Variants in SYP observed in about 807,000 individuals in gnomAD.
SYP encodes the protein major synaptic vesicle protein P38.
A neutral mutation model predicts 24.3 loss-of-function variants in SYP; 2 were observed. That is an observed-to-expected ratio of 0.08 (90% CI 0.03 to 0.26). SYP has a LOEUF of 0.26. Among genes scored for constraint, SYP ranks in the 10% least tolerant of loss-of-function variants. The probability of loss-of-function intolerance (pLI) is 1.00; values close to 1 mark genes in which losing one functional copy is unlikely to be tolerated. For synonymous variants in SYP, 143 were observed against 123.2 expected, an observed-to-expected ratio of 1.16 and a Z score of -1.07; for missense variants, 216 against 266.3, an observed-to-expected ratio of 0.81 and a Z score of 1.32.
At chrX:49,198,883 C>T (rs1356559036) in intron 2 of SYP, 85 bp downstream of exon 2, 11 of 1,063,344 alleles carry the variant, frequency 1.0e-5, no homozygotes, top group Non-Finnish European at 1.4e-5. Flanking sequence ...CCTGGCTACT[C>T]GCCCCTACTC....
chrX:49,198,335 C>G (rs1557103560), intron 2 of SYP: 1 of 131,886 alleles, frequency 7.6e-6, no homozygotes, highest in Non-Finnish European at 1.5e-5. Flanking sequence ...TCTGTCCTGT[C>G]TCTCACTCGG....
At chrX:49,198,023 T>G in intron 2 of SYP, 184 bp from the exon 3 acceptor site, 1 of 512,589 alleles carries the variant, frequency 2.0e-6, no homozygotes, top group Non-Finnish European at 3.3e-6. Context: ...TGGCTGTCTC[T>G]TCCTGTTTCT....
At chrX:49,189,701 G>A (rs782493531) in intron 6 of SYP, among the ~76,000 whole-genome samples, 20 of 111,012 alleles carry the variant, frequency 1.8e-4, no homozygotes, top group East Asian at 1.1e-3. Flanking sequence ...GGGCATGGTC[G>A]CTCACACTTA....
chrX:49,195,142 G>C, intron 3 of SYP, among the ~76,000 whole-genome samples: 1 of 109,774 alleles, frequency 9.1e-6, no homozygotes, highest in East Asian at 2.8e-4. Flanking sequence ...CACTTTTCTC[G>C]ATAGTAGTGG....
At chrX:49,198,798 G>GT (rs1387178140) in intron 2 of SYP, 170 bp downstream of exon 2, 2 of 548,858 alleles carry the variant, frequency 3.6e-6, no homozygotes, top group East Asian at 3.7e-5. Flanking sequence ...CAGCTCATCT[G>GT]TTTTCTGGCT....
chrX:49,192,827 T>C (rs893381300), intron 5 of SYP, among the ~76,000 whole-genome samples: 2 of 112,375 alleles, frequency 1.8e-5, no homozygotes, highest in African/African-American at 6.5e-5. Context: ...TCTTCGATTA[T>C]GCATGCTCAA....
intron 3 of SYP, 92 bp from the exon 4 acceptor site, chrX:49,194,453 C>T (rs1557103180): frequency 3.4e-6 from 3 of 894,295 alleles, no homozygotes; most frequent in Non-Finnish European, 4.8e-6. Flanking sequence ...CTGACAAGGC[C>T]CCAGGAAGAG....
chrX:49,199,677 C>T (rs2065543267), intron 1 of SYP, among the ~76,000 whole-genome samples: 1 of 105,693 alleles, frequency 9.5e-6, no homozygotes, highest in Admixed American at 9.9e-5. Context: ...CCGGATTGTC[C>T]CCTAGGTGTG....
intron 5 of SYP, among the ~76,000 whole-genome samples, chrX:49,192,761 C>T (rs782086940): frequency 3.4e-4 from 38 of 111,807 alleles, no homozygotes; most frequent in Admixed American, 9.5e-4. Context: ...CTTTTCTGAG[C>T]ACTCCGTATT....
intron 2 of SYP, 62 bp downstream of exon 2, chrX:49,198,906 T>C (rs1557103627): frequency 1.7e-6 from 2 of 1,167,579 alleles, no homozygotes; most frequent in Admixed American, 2.3e-5. Context: ...CCCCTGCTCT[T>C]CTGGACCCCA....
chrX:49,193,948 C>T (rs782492711), intron 4 of SYP, among the ~76,000 whole-genome samples: 1 of 110,888 alleles, frequency 9.0e-6, no homozygotes, highest in East Asian at 2.8e-4. Flanking sequence ...GTGGGCCTGT[C>T]TGGGATTCTG....
At chrX:49,191,004 A>C in intron 6 of SYP, 1 of 173,614 alleles carries the variant, frequency 5.8e-6, no homozygotes, top group Non-Finnish European at 1.1e-5. Flanking sequence ...ACGCCCATTT[A>C]CCCTCACCAT....
chrX:49,191,268 T>C (rs1408633064), intron 6 of SYP, 165 bp downstream of exon 6: 3 of 549,946 alleles, frequency 5.5e-6, no homozygotes, highest in African/African-American at 4.6e-5. Flanking sequence ...GTTTTTCAGC[T>C]CTTAGCAGGT....
intron 3 of SYP, 86 bp downstream of exon 3, chrX:49,197,629 G>A: frequency 8.7e-7 from 1 of 1,145,384 alleles, no homozygotes; most frequent in Non-Finnish European, 1.2e-6. Flanking sequence ...AGCTGGGCAG[G>A]AGCTACTTGC....
At chrX:49,190,280 A>G (rs1441309291) in intron 6 of SYP, among the ~76,000 whole-genome samples, 1 of 108,375 alleles carries the variant, frequency 9.2e-6, no homozygotes, top group Admixed American at 9.9e-5. Context: ...CCCAGATTCA[A>G]GCGATTCTCC....
At chrX:49,197,558 G>C in intron 3 of SYP, 157 bp downstream of exon 3, 1 of 787,442 alleles carries the variant, frequency 1.3e-6, no homozygotes. Flanking sequence ...CTAGAGTCCA[G>C]AGCAGTGCCA....
intron 3 of SYP, 103 bp from the exon 4 acceptor site, chrX:49,194,464 G>T: frequency 2.5e-6 from 2 of 813,371 alleles, no homozygotes; most frequent in East Asian, 3.3e-5. Context: ...CCAGGAAGAG[G>T]AGGAAATAAC....
intron 3 of SYP, 118 bp from the exon 4 acceptor site, chrX:49,194,479 C>A (rs1365844771): frequency 1.5e-6 from 1 of 661,092 alleles, no homozygotes; most frequent in African/African-American, 2.2e-5. Context: ...AATAACCATT[C>A]ATCGAGCACC....
At chrX:49,191,872 T>C (rs2065511012) in intron 5 of SYP, 109 bp from the exon 6 acceptor site, 2 of 889,859 alleles carry the variant, frequency 2.2e-6, no homozygotes, top group Non-Finnish European at 3.2e-6. Flanking sequence ...AAGGTGGGGG[T>C]TTCTGAAACC....
Sources: gnomAD v4.1 joint callset for allele counts (sites outside exome capture counted in the v4.1 genomes callset) on GRCh38, gnomAD v4.1.1 for gene constraint, MANE v1.5 for transcripts, NCBI Gene and HGNC (gene_info 2026-07-23, HGNC 2026-07-21) for gene names.